Variants in PCDH15 observed in about 807,000 individuals in gnomAD.
PCDH15 encodes the protein protocadherin-15.
A neutral mutation model predicts 178.5 loss-of-function variants in PCDH15; 129 were observed. The observed-to-expected ratio is 0.72, with a 90% confidence interval of 0.63 to 0.84. PCDH15 has a LOEUF of 0.84. PCDH15 is among the 40% of genes least tolerant of loss of function. PCDH15 has a pLI of 0.00. For missense variants in PCDH15, 2,230 were observed against 2,099.9 expected (o/e 1.06, Z -1.21); for synonymous variants, 800 against 732.0 (o/e 1.09, Z -1.50).
In PCDH15 at chr10:54,410,841, C is replaced by A. The variant is rs1367639732; in HGVS notation, c.158-31899G>T. 3.3e-5 allele frequency among the ~76,000 whole-genome samples: 5 copies of A among 152,010 alleles called. No individual in the cohort carries two copies. The South Asian group carries it at 6.2e-4, about 19-fold the overall frequency. Reference sequence around the variant, plus strand: ...AACAGTTACTTTCAAAAATGATAGACCCACTGTGAGCAAAAGAGAGAAGAT... The same window carrying A: ...AACAGTTACTTTCAAAAATGATAGAACCACTGTGAGCAAAAGAGAGAAGAT... On this transcript the variant is annotated intron_variant, in intron 3 of 37. Coordinates refer to ENST00000644397, the MANE Select transcript of PCDH15 (RefSeq NM_001384140.1).
At chr10:54,980,883 GA>G (rs1284633354) in intron 2 of PCDH15, among the ~76,000 whole-genome samples, 1 of 151,932 alleles carries the variant, frequency 6.6e-6, no homozygotes, top group Non-Finnish European at 1.5e-5. Context: ...ATATAGAAAT[GA>G]GTGAAAAAAT....
intron 13 of PCDH15, among the ~76,000 whole-genome samples, chr10:54,180,421 A>G (rs2047881729): frequency 6.6e-6 from 1 of 152,232 alleles, no homozygotes; most frequent in Admixed American, 6.5e-5. Flanking sequence ...AAAGAGTCTC[A>G]TGGCTACATT....
At chr10:54,861,139 G>A (rs1327106681) in intron 3 of PCDH15, among the ~76,000 whole-genome samples, 1 of 151,960 alleles carries the variant, frequency 6.6e-6, no homozygotes, top group Admixed American at 6.6e-5. Flanking sequence ...TTGAAATTCA[G>A]TCTCCCTTGT....
chr10:55,540,154 T>C (rs906373585), intron 2 of PCDH15, among the ~76,000 whole-genome samples: 5 of 152,104 alleles, frequency 3.3e-5, no homozygotes, highest in African/African-American at 1.2e-4. Context: ...TTCAAGTGCA[T>C]AGTCCATTTG....
At chr10:54,910,180 C>T (rs1265211278) in intron 2 of PCDH15, among the ~76,000 whole-genome samples, 2 of 152,096 alleles carry the variant, frequency 1.3e-5, no homozygotes, top group African/African-American at 2.4e-5. Flanking sequence ...TCACTGACAC[C>T]TCCCCACTGC....
intron 15 of PCDH15, among the ~76,000 whole-genome samples, chr10:54,101,240 C>G (rs1195302496): frequency 6.6e-6 from 1 of 152,204 alleles, no homozygotes; most frequent in Non-Finnish European, 1.5e-5. Context: ...GATTGTGAAG[C>G]CTCCCCAGCT....
At chr10:54,422,367 T>C (rs1475534928) in intron 3 of PCDH15, among the ~76,000 whole-genome samples, 2 of 152,050 alleles carry the variant, frequency 1.3e-5, no homozygotes, top group African/African-American at 4.8e-5. Flanking sequence ...GAGGATAAAT[T>C]GAGTGAATGT....
intron 2 of PCDH15, among the ~76,000 whole-genome samples, chr10:55,388,066 C>T (rs893800589): frequency 3.9e-5 from 6 of 151,950 alleles, no homozygotes; most frequent in Non-Finnish European, 8.8e-5. Flanking sequence ...TCTTCTTCCC[C>T]GTCAAAATCA....
intron 3 of PCDH15, among the ~76,000 whole-genome samples, chr10:54,430,088 C>A (rs1326004015): frequency 7.1e-6 from 1 of 141,522 alleles, no homozygotes; most frequent in Non-Finnish European, 1.5e-5. Flanking sequence ...CAGAGCCTGG[C>A]TCTCTCACCC....
chr10:54,738,354 A>G (rs1185118675), intron 1 of PCDH15, among the ~76,000 whole-genome samples: 1 of 152,156 alleles, frequency 6.6e-6, no homozygotes, highest in Non-Finnish European at 1.5e-5. Flanking sequence ...CACATCTAGC[A>G]TAATTTCTGT....
intron 1 of PCDH15, among the ~76,000 whole-genome samples, chr10:54,714,540 G>A (rs1199443022): frequency 6.6e-6 from 1 of 151,926 alleles, no homozygotes; most frequent in African/African-American, 2.4e-5. Flanking sequence ...TCCAATATAG[G>A]AATCATAACT....
intron 2 of PCDH15, among the ~76,000 whole-genome samples, chr10:54,612,302 TTAAAATAAATTGAA>T (rs1200089239): frequency 6.6e-6 from 1 of 151,842 alleles, no homozygotes; most frequent in African/African-American, 2.4e-5. Flanking sequence ...CATATATTTA[TTAAAATAAATTGAA>T]TTAACAATTG....
chr10:55,444,144 G>A (rs1839262187), intron 2 of PCDH15, among the ~76,000 whole-genome samples: 1 of 151,608 alleles, frequency 6.6e-6, no homozygotes, highest in African/African-American at 2.4e-5. Flanking sequence ...GGGGGTGGGG[G>A]GTAAGGGGAG....
At chr10:55,355,659 T>A (rs1206608753) in intron 2 of PCDH15, among the ~76,000 whole-genome samples, 1 of 152,000 alleles carries the variant, frequency 6.6e-6, no homozygotes, top group South Asian at 2.1e-4. Flanking sequence ...CTCTTGTTAA[T>A]ATGTGACTTG....
intron 37 of PCDH15, among the ~76,000 whole-genome samples, chr10:53,810,166 AT>A (rs1323654498): frequency 1.3e-5 from 2 of 152,198 alleles, no homozygotes; most frequent in African/African-American, 4.8e-5. Flanking sequence ...TTCTCTGATA[AT>A]TGAAAGGTGG....
intron 2 of PCDH15, among the ~76,000 whole-genome samples, chr10:55,571,426 G>A (rs11004912): frequency 0.31 from 46,765 of 151,836 alleles, 7,321 homozygotes; most frequent in African/African-American, 0.37. Flanking sequence ...GGCTTTATGA[G>A]CACATTAGTT....
At chr10:55,497,959 T>A (rs1452521550) in intron 2 of PCDH15, among the ~76,000 whole-genome samples, 1 of 151,882 alleles carries the variant, frequency 6.6e-6, no homozygotes, top group Non-Finnish European at 1.5e-5. Context: ...TGATTTAAAT[T>A]CTTTTACCTA....
At chr10:53,888,508 G>A (rs1368583198) in intron 26 of PCDH15, among the ~76,000 whole-genome samples, 11 of 135,762 alleles carry the variant, frequency 8.1e-5, no homozygotes, top group Non-Finnish European at 1.6e-4. Flanking sequence ...TTTCCAAAAT[G>A]TCTTACTAAT....
At chr10:54,329,316 G>T (rs1171370122) in intron 7 of PCDH15, among the ~76,000 whole-genome samples, 1 of 151,862 alleles carries the variant, frequency 6.6e-6, no homozygotes, top group African/African-American at 2.4e-5. Context: ...CTGTTAATTT[G>T]CAGGATCCTA....
Sources: allele counts gnomAD v4.1 joint callset (sites outside exome capture counted in the v4.1 genomes callset), GRCh38; gene constraint gnomAD v4.1.1; transcripts MANE v1.5; gene names NCBI Gene and HGNC (gene_info 2026-07-23, HGNC 2026-07-21).